MDN1: variants seen among roughly 807,000 people sequenced by gnomAD.
The protein encoded by MDN1 is midasin.
A neutral mutation model predicts 669.2 loss-of-function variants in MDN1; 266 were observed. The ratio of observed to expected loss-of-function variants is 0.40; its 90% CI spans 0.36 to 0.44. The LOEUF (loss-of-function observed/expected upper bound fraction) is 0.44. Ranked by LOEUF, MDN1 falls within the 20% of genes least tolerant of loss-of-function variation. MDN1 has a pLI of 1.00. For synonymous variants in MDN1, 2,385 were observed against 2,457.1 expected, an observed-to-expected ratio of 0.97 and a Z score of 0.87; for missense variants, 5,940 against 6,754.0, an observed-to-expected ratio of 0.88 and a Z score of 4.22.
At chr6:89,733,793 AAAAATG>A (rs1376334948) in intron 33 of MDN1, among the ~76,000 whole-genome samples, 2 of 152,158 alleles carry the variant, frequency 1.3e-5, no homozygotes, top group Non-Finnish European at 2.9e-5. Flanking sequence ...GGTAAATTAA[AAAAATG>A]AAAATGAAAA....
chr6:89,754,492 G>A (rs1474583355), intron 20 of MDN1, among the ~76,000 whole-genome samples: 2 of 152,132 alleles, frequency 1.3e-5, no homozygotes, highest in Non-Finnish European at 2.9e-5. Context: ...CTAGCAAAAA[G>A]GTACTGATAA....
chr6:89,735,120 C>T (rs1227287127), intron 33 of MDN1, among the ~76,000 whole-genome samples: 1 of 152,014 alleles, frequency 6.6e-6, no homozygotes, highest in Non-Finnish European at 1.5e-5. Flanking sequence ...AATCTCTTGA[C>T]CTCGTGATCT....
chr6:89,683,725 A>T, intron 72 of MDN1, 106 bp downstream of exon 72: 1 of 823,670 alleles, frequency 1.2e-6, no homozygotes, highest in Non-Finnish European at 2.0e-6. Flanking sequence ...TGAGAAGTTT[A>T]ACACACTTAA....
intron 11 of MDN1, 120 bp downstream of exon 11, chr6:89,780,092 T>G: frequency 1.9e-6 from 1 of 532,020 alleles, no homozygotes; most frequent in Non-Finnish European, 3.2e-6. Context: ...AAAAAAAGAA[T>G]AACAAACCAT....
In MDN1 at chr6:89,695,941, G is replaced by C. The variant is rs766103834; in HGVS notation, c.9435C>G (p.Gly3145=). The C allele has an allele frequency of 6.2e-7, 1 of 1,612,132 alleles. No individual in the cohort carries two copies. The highest frequency in any genetic ancestry group is 1.1e-5 in the South Asian group (1 of 91,018). ...QGQVLFRHLA[G]LAELLPESRR... ...GGGACTCTGGGAGCAGCTCTGCTAG[G>C]CCTGCCAGGTGCCGGAACAGCACCT... The change falls in exon 61 of 102, where the codon GGC becomes GGG. Residue 3145 remains glycine (G), a synonymous_variant. Coordinates refer to ENST00000369393, the MANE Select transcript of MDN1 (RefSeq NM_014611.3). The surrounding 1 kb of genome is among the most constrained non-coding windows in gnomAD (Gnocchi z 4.1).
chr6:89,654,024 T>A, intron 93 of MDN1, 140 bp downstream of exon 93: 1 of 1,008,208 alleles, frequency 9.9e-7, no homozygotes. Flanking sequence ...CAAAATATAG[T>A]GAAATTATTA....
chr6:89,782,737 G>A (rs894376426), intron 9 of MDN1, among the ~76,000 whole-genome samples: 10 of 151,882 alleles, frequency 6.6e-5, no homozygotes, highest in African/African-American at 1.7e-4. Context: ...TCAAGAGATC[G>A]AGACCAACCT....
intron 73 of MDN1, among the ~76,000 whole-genome samples, chr6:89,682,115 T>C (rs1056422350): frequency 2.0e-5 from 3 of 152,208 alleles, no homozygotes; most frequent in African/African-American, 4.8e-5. Flanking sequence ...GTGCTTGAAA[T>C]TGGCCATAAT....
At chr6:89,788,070 G>A in intron 7 of MDN1, 113 bp from the exon 8 acceptor site, 1 of 911,114 alleles carries the variant, frequency 1.1e-6, no homozygotes, top group Non-Finnish European at 1.7e-6. Flanking sequence ...GGAAACGTCA[G>A]CTCTCATAGT....
intron 50 of MDN1, among the ~76,000 whole-genome samples, chr6:89,709,288 T>A (rs905694694): frequency 1.3e-5 from 2 of 152,156 alleles, no homozygotes; most frequent in African/African-American, 4.8e-5. Flanking sequence ...TTTAAAAGCA[T>A]CCACCATATA....
In MDN1 at chr6:89,803,333, G is replaced by C. The variant is rs1221181082; in HGVS notation, c.324C>G (p.Val108=). 1.2e-6 allele frequency: 2 copies of C among 1,613,162 alleles called. No homozygotes were observed. Among genetic ancestry groups the C allele is most frequent in the Admixed American group, 1.7e-5 (1 of 59,986 alleles). The change falls in exon 2 of 102, where the codon GTC becomes GTG. Residue 108 remains valine (V), a synonymous_variant. Coordinates refer to ENST00000369393, the MANE Select transcript of MDN1 (RefSeq NM_014611.3). ...ATAATAAAATTGCTACTCACGGGAG[G>C]ACATCAGGATGGTTACCAATGAGTT... is the stretch of plus-strand genomic sequence containing the variant. ...MSKLIGNHPD[V]LPFALRYFKD...
In MDN1 at chr6:89,758,898, A is replaced by G. The variant is rs1035385654; in HGVS notation, c.2523T>C (p.Ala841=). 2.5e-6 allele frequency: 4 copies of G among 1,614,088 alleles called. No individual in the cohort carries two copies. Among genetic ancestry groups the G allele is most frequent in the Non-Finnish European group, 2.5e-6 (3 of 1,179,924 alleles). ...EWILLDEINL[A]APEILECLSG... ...TCAGACATTCTAGTATTTCTGGAGC[A>G]GCCAAGTTAATCTCATCCAACAAGA... The change falls in exon 18 of 102, where the codon GCT becomes GCC. Residue 841 remains alanine, a synonymous_variant. Coordinates refer to ENST00000369393, the MANE Select transcript of MDN1 (RefSeq NM_014611.3).
chr6:89,699,685 A>G lies in MDN1; in HGVS notation c.8913T>C (p.Ser2971=). Residue 2971 remains serine (S), a synonymous_variant, in exon 58 of 102, where the codon AGT becomes AGC. Coordinates refer to ENST00000369393, the MANE Select transcript of MDN1 (RefSeq NM_014611.3). ...NQQPQINEEI[S]HLISFCLYHT... ...GATAAAGACAAAATGAGATGAGGTGACTTATCTCCTCATTTATCTGGGGTT... is the reference window on the plus strand; with the variant it reads ...GATAAAGACAAAATGAGATGAGGTGGCTTATCTCCTCATTTATCTGGGGTT... The G allele has an allele frequency of 1.9e-6, 3 of 1,613,904 alleles. No homozygotes were observed. Among genetic ancestry groups the G allele is most frequent in the South Asian group, 1.1e-5 (1 of 91,070 alleles).
chr6:89,730,087 G>A (rs1347463175), intron 35 of MDN1, among the ~76,000 whole-genome samples: 2 of 152,170 alleles, frequency 1.3e-5, no homozygotes, highest in Non-Finnish European at 2.9e-5. Context: ...TGAAAAAGTA[G>A]AAGCACCTTA....
intron 90 of MDN1, among the ~76,000 whole-genome samples, chr6:89,657,674 A>G (rs781342108): frequency 6.6e-6 from 1 of 152,194 alleles, no homozygotes; most frequent in Non-Finnish European, 1.5e-5. Context: ...CTTATTATGC[A>G]CACCACTTAA....
At chr6:89,815,624 G>C in intron 1 of MDN1, among the ~76,000 whole-genome samples, 1 of 152,136 alleles carries the variant, frequency 6.6e-6, no homozygotes, top group East Asian at 1.9e-4. Context: ...ATCTTGCAGA[G>C]GTGGGGAGAA....
chr6:89,731,801 C>A (rs34357923), intron 34 of MDN1, among the ~76,000 whole-genome samples: 2 of 17,976 alleles, frequency 1.1e-4, no homozygotes, highest in Admixed American at 9.3e-4. Flanking sequence ...TAGTACCGCC[C>A]CCCCCCCCCA....
rs373194373 is a variant in MDN1, at chr6:89,774,659, C to A, written c.1896G>T (p.Arg632=). 3 of 1,613,718 alleles carry A rather than the reference C, an allele frequency of 1.9e-6. No individual in the cohort carries two copies. Among genetic ancestry groups the A allele is most frequent in the Non-Finnish European group, 2.5e-6 (3 of 1,179,706 alleles). The change falls in exon 13 of 102, where the codon CGG becomes CGT. Residue 632 remains arginine, a synonymous_variant. Transcript: ENST00000369393. ...NELDLQVGRV[R]LLRKQSEAVH... is the part of the protein sequence containing the mutation. ...CAGCCTCACTTTGTTTCCGTAGAAG[C>A]CGCACTCGACCCACTTGCAAATCTA...
intron 35 of MDN1, among the ~76,000 whole-genome samples, chr6:89,729,760 A>C (rs972004928): frequency 1.4e-5 from 2 of 146,462 alleles, no homozygotes; most frequent in Non-Finnish European, 3.0e-5. Flanking sequence ...TTGGTAGCAG[A>C]AGCAAGGACC....
Sources: allele counts gnomAD v4.1 joint callset (sites outside exome capture counted in the v4.1 genomes callset), GRCh38; gene constraint gnomAD v4.1.1; non-coding constraint Gnocchi (gnomAD v3.1); transcripts MANE v1.5; gene names NCBI Gene and HGNC (gene_info 2026-07-23, HGNC 2026-07-21).